The following KRT31 variants were observed in gnomAD, a reference collection of about 807,000 sequenced individuals.
KRT31 encodes the protein keratin, type I cuticular Ha1.
KRT31 carries 27 observed loss-of-function variants against 40.8 expected under a neutral mutation model. That is an observed-to-expected ratio of 0.66 (90% CI 0.49 to 0.91). The LOEUF is 0.91. Among genes scored for constraint, KRT31 ranks in the 40% least tolerant of loss-of-function variants. KRT31 has a pLI of 0.00. For synonymous variants in KRT31, 231 were observed against 231.9 expected (o/e 1.00, Z 0.03); for missense variants, 510 against 544.1 (o/e 0.94, Z 0.62).
In KRT31 at chr17:41,393,844, G is replaced by A; in HGVS notation, c.*172C>T. ...CAGGAAGGAAAGGGTGAGCAGGACA[G>A]TCTGGAGTAGTTGGGGAGGCTACAG... On this transcript the variant is annotated 3_prime_UTR_variant, in exon 7 of 7. Transcript: ENST00000251645. 6.2e-6 allele frequency: 4 copies of A among 640,266 alleles called. No individual in the cohort carries two copies. In the South Asian group the frequency reaches 8.0e-5, roughly 13 times the overall value. 39.7% of individuals were successfully genotyped at this position (640,266 alleles called of 1,614,324 possible).
Position 41,396,420 on chromosome 17 carries a change from C to T in KRT31, c.588G>A (p.Gln196=), listed in dbSNP as rs765484190. 5.6e-6 allele frequency: 9 copies of T among 1,613,274 alleles called. No individual in the cohort carries two copies. The South Asian group carries it at 9.9e-5, about 18-fold the overall frequency. Reference sequence around the variant, plus strand: ...GTGCATTTCTCATTTCTAGTCTCACCTGCTCATGGTTGCTCTTGAGGCAGA... The same window carrying T: ...GTGCATTTCTCATTTCTAGTCTCACTTGCTCATGGTTGCTCTTGAGGCAGA... ...ELLCLKSNHE[Q]EVNTLRCQLG... Residue 196 remains glutamine, a splice_region_variant and synonymous_variant, in exon 3 of 7, where the codon CAG becomes CAA. Transcript: ENST00000251645.
intron 6 of KRT31, among the ~76,000 whole-genome samples, chr17:41,394,624 T>G (rs559602459): frequency 6.6e-6 from 1 of 152,346 alleles, no homozygotes; most frequent in Admixed American, 6.5e-5. Flanking sequence ...CATACTAGAA[T>G]GCAAAGACTT....
chr17:41,393,755 TA>T lies in KRT31; in HGVS notation c.*260del. On this transcript the variant is annotated 3_prime_UTR_variant, in exon 7 of 7. Transcript: ENST00000251645. ...AAGGAAATGATATTTATTAGGAGGT[TA>T]AAAGGGAGGCCCACTGGCACATCAG... 1 of 485,272 alleles carries T rather than the reference TA, an allele frequency of 2.1e-6. No homozygotes were observed. The highest frequency in any genetic ancestry group is 3.8e-5 in the South Asian group (1 of 26,018). The allele number at this position is 485,272 out of a possible 1,614,324, so 30.1% of individuals were successfully genotyped here. A position where few individuals can be genotyped will look rare whatever the true frequency, so the allele number is the denominator to read the frequency against.
At position 41,394,232 on chromosome 17, in the gene KRT31, G is replaced by C. The variant is rs1162528238; in HGVS notation, c.1098-63C>G. 1.9e-6 allele frequency: 3 copies of C among 1,577,696 alleles called. No individual in the cohort carries two copies. In the Admixed American group the frequency reaches 5.3e-5, roughly 28 times the overall value. The stretch of plus-strand genomic sequence containing the variant: ...GGCAATTTTAAAATCATATGCCAGA[G>C]ATATCCCCAAGGGTAAGAATGCCTG... On this transcript the variant is annotated intron_variant, in intron 6 of 6. Transcript: ENST00000251645.
At position 41,395,053 on chromosome 17, in the gene KRT31, T is replaced by C; in HGVS notation, c.892A>G (p.Asn298Asp). 1 of 1,614,234 alleles carries C rather than the reference T, an allele frequency of 6.2e-7. No homozygotes were observed. Among genetic ancestry groups the C allele is most frequent in the South Asian group, 1.1e-5 (1 of 91,086 alleles). The change falls in exon 6 of 7, where the codon AAC becomes GAC. Residue 298 changes from asparagine to aspartate, a missense_variant. Transcript: ENST00000251645. ...AQHNLRDSLENTLTESEARYS... is the reference protein window; with the variant it reads ...AQHNLRDSLEDTLTESEARYS... ...CGGGCCTCACTCTCTGTCAGCGTGTTTTCCAGAGAGTCTCGCTGTGGTGGA... is the reference window on the plus strand; with the variant it reads ...CGGGCCTCACTCTCTGTCAGCGTGTCTTCCAGAGAGTCTCGCTGTGGTGGA...
In KRT31 at chr17:41,395,474, C is replaced by T; in HGVS notation, c.738G>A (p.Trp246Ter). 1 of 1,614,150 alleles carries T rather than the reference C, an allele frequency of 6.2e-7. No individual in the cohort carries two copies. Among genetic ancestry groups the T allele is most frequent in the Non-Finnish European group, 8.5e-7 (1 of 1,179,996 alleles). Residue 246 changes from tryptophan (W) to a stop codon, truncating the protein, a stop_gained, in exon 4 of 7, where the codon TGG (tryptophan) becomes TGA (stop). Coordinates refer to ENST00000251645, the MANE Select transcript of KRT31 (RefSeq NM_002277.3). LOFTEE classifies it high-confidence loss of function. ...CTTAGATGCCCACCTGCGTGGTGAA[C>T]CATTGCTCCACTTCCCTGCGGTTGG... Reference protein sequence around the residue: ...VETNRREVEQWFTTQTEELNK... With the variant: ...VETNRREVEQ
chr17:41,394,790 C>T, intron 6 of KRT31, 58 bp downstream of exon 6: 1 of 1,603,936 alleles, frequency 6.2e-7, no homozygotes, highest in Non-Finnish European at 8.5e-7. Flanking sequence ...TGCATGGTGT[C>T]TAACTGTTAC....
Position 41,393,901 on chromosome 17 carries a change from G to C in KRT31, c.*115C>G. The C allele has an allele frequency of 8.3e-7, 1 of 1,205,092 alleles. No individual in the cohort carries two copies. Among genetic ancestry groups the C allele is most frequent in the South Asian group, 1.5e-5 (1 of 66,050 alleles). 74.6% of individuals were successfully genotyped at this position (1,205,092 alleles called of 1,614,324 possible). ...GGTGAGTTTCTTGGCTGCCTTACGC[G>C]GGCAACTCCAGCCATGCAAATGATG... On this transcript the variant is annotated 3_prime_UTR_variant, in exon 7 of 7. Coordinates refer to ENST00000251645, the MANE Select transcript of KRT31 (RefSeq NM_002277.3).
At position 41,394,000 on chromosome 17, in the gene KRT31, T is replaced by C. The variant is rs1047448; in HGVS notation, c.*16A>G. On this transcript the variant is annotated 3_prime_UTR_variant, in exon 7 of 7. Transcript: ENST00000251645. ...CCTGGGCCCTGCATCCTTGCTCCTC[T>C]GGCATTCCCTAGGTTCTAGCGCACG... 136,190 of 1,611,018 alleles carry C rather than the reference T, an allele frequency of 0.085. 7,056 individuals carry two copies. Among genetic ancestry groups the C allele is most frequent in the African/African-American group, 0.24 (17,762 of 74,774 alleles).
chr17:41,394,933 C>T lies in KRT31; in HGVS notation c.1012G>A (p.Glu338Lys). The T allele has an allele frequency of 4.3e-6, 7 of 1,614,252 alleles. No homozygotes were observed. The highest frequency in any genetic ancestry group is 5.9e-6 in the Non-Finnish European group (7 of 1,180,044). Residue 338 changes from glutamate to lysine, a missense_variant, in exon 6 of 7, where the codon GAG (glutamate) becomes AAG (lysine). Glu to Lys is a moderately conservative substitution (Grantham distance 56, BLOSUM62 1). Transcript: ENST00000251645. ...IRSDLERQNQ[E>K]YQVLLDVRAR... ...CGCACATCCAGCAGCACCTGGTACT[C>T]CTGGTTCTGCCGCTCCAGGTCACTG...
chr17:41,395,655 G>C (rs779723863), intron 3 of KRT31, 32 bp from the exon 4 acceptor site: 1 of 1,601,416 alleles, frequency 6.2e-7, no homozygotes, highest in East Asian at 2.2e-5. Flanking sequence ...GAGTTACTAT[G>C]CTCAGCAAAG....
At position 41,397,559 on chromosome 17, in the gene KRT31, G is replaced by A; in HGVS notation, c.-20C>T. On this transcript the variant is annotated 5_prime_UTR_variant, in exon 1 of 7. Transcript: ENST00000251645. ...GGGCATAGTGCTGGGAGGGAGGGAG[G>A]GAGTGCCTGGCTGAAGACAGAGTCT... 1 of 1,506,032 alleles carries A rather than the reference G, an allele frequency of 6.6e-7. No individual in the cohort carries two copies. Among genetic ancestry groups the A allele is most frequent in the Non-Finnish European group, 9.2e-7 (1 of 1,090,784 alleles). The allele number at this position is 1,506,032 out of a possible 1,614,324, so 93.3% of individuals were successfully genotyped here.
chr17:41,396,795 C>G, intron 2 of KRT31, 118 bp downstream of exon 2: 1 of 1,059,724 alleles, frequency 9.4e-7, no homozygotes. Context: ...TTGGTTCTCC[C>G]CAGTCCTCTG....
intron 3 of KRT31, among the ~76,000 whole-genome samples, chr17:41,395,919 C>CA (rs764392069): frequency 1.8e-4 from 27 of 151,058 alleles, no homozygotes; most frequent in African/African-American, 4.8e-4. Context: ...CTCAGAATGC[C>CA]AAAAAAAATA....
chr17:41,396,508 T>C lies in KRT31; in HGVS notation c.500A>G (p.Asp167Gly). The C allele has an allele frequency of 1.2e-6, 2 of 1,614,186 alleles. No homozygotes were observed. The highest frequency in any genetic ancestry group is 1.7e-6 in the Non-Finnish European group (2 of 1,180,022). ...GTCGGACTTGCACAGGGTCAGCTCA[T>C]CCAGGATCCTGCGCAGACCGTTGAT... The part of the protein sequence containing the change: ...SDINGLRRIL[D>G]ELTLCKSDLE... The change falls in exon 3 of 7, where the codon GAT (aspartate) becomes GGT (glycine). Residue 167 changes from aspartate (D) to glycine (G), a missense_variant. Coordinates refer to ENST00000251645, the MANE Select transcript of KRT31 (RefSeq NM_002277.3).
chr17:41,396,037 T>C (rs1215709804), intron 3 of KRT31, among the ~76,000 whole-genome samples: 2 of 151,508 alleles, frequency 1.3e-5, no homozygotes, highest in Non-Finnish European at 2.9e-5. Flanking sequence ...CAAACACTCT[T>C]CACCAATACT....
chr17:41,394,599 A>C (rs1466233372), intron 6 of KRT31, among the ~76,000 whole-genome samples: 1 of 152,268 alleles, frequency 6.6e-6, no homozygotes, highest in Non-Finnish European at 1.5e-5. Context: ...CATATCATGC[A>C]GTCATGCATA....
At chr17:41,394,476 T>C (rs1010837441) in intron 6 of KRT31, among the ~76,000 whole-genome samples, 1 of 152,146 alleles carries the variant, frequency 6.6e-6, no homozygotes, top group Non-Finnish European at 1.5e-5. Context: ...TCCTGTAGAA[T>C]GGAGGGAATA....
At position 41,397,545 on chromosome 17, in the gene KRT31, TGGGAGGGA is replaced by T; in HGVS notation, c.-14_-7del. ...AGGCAGAAGTTGTAGGGCATAGTGCTGGGAGGGAGGGAGGGAGTGCCTGGCTGAAGACA... is the reference window on the plus strand; with the variant it reads ...AGGCAGAAGTTGTAGGGCATAGTGCTGGGAGGGAGTGCCTGGCTGAAGACA... On this transcript the variant is annotated 5_prime_UTR_variant, in exon 1 of 7. Coordinates refer to ENST00000251645, the MANE Select transcript of KRT31 (RefSeq NM_002277.3). The T allele has an allele frequency of 2.6e-5, 26 of 1,009,918 alleles. No individual in the cohort carries two copies. The highest frequency in any genetic ancestry group is 3.6e-5 in the Non-Finnish European group (24 of 673,836). The allele number at this position is 1,009,918 out of a possible 1,614,324, so 62.6% of individuals were successfully genotyped here. A position where few individuals can be genotyped will look rare whatever the true frequency, so the allele number is the denominator to read the frequency against.
Sources: gnomAD v4.1 joint callset for allele counts (sites outside exome capture counted in the v4.1 genomes callset) on GRCh38, gnomAD v4.1.1 for gene constraint, MANE v1.5 for transcripts, NCBI Gene and HGNC (gene_info 2026-07-23, HGNC 2026-07-21) for gene names.